Variants in SYN3 observed in about 807,000 individuals in gnomAD.
SYN3 encodes synapsin III.
SYN3 carries 35 observed loss-of-function variants against 65.8 expected under a neutral mutation model. The observed-to-expected ratio is 0.53, with a 90% CI of 0.41 to 0.70. The LOEUF (loss-of-function observed/expected upper bound fraction) is 0.70, where lower values mean the gene tolerates loss of function less well. Ranked by LOEUF, SYN3 falls within the 30% of genes least tolerant of loss-of-function variation. SYN3 has a pLI of 0.00. For synonymous variants in SYN3, 270 were observed against 292.9 expected, an observed-to-expected ratio of 0.92 and a Z score of 0.80; for missense variants, 680 against 749.0, an observed-to-expected ratio of 0.91 and a Z score of 1.08.
At chr22:32,985,863 T>C (rs959498252) in intron 2 of SYN3, among the ~76,000 whole-genome samples, 10 of 152,014 alleles carry the variant, frequency 6.6e-5, no homozygotes, top group Admixed American at 5.9e-4. Context: ...CTTTCTCATG[T>C]TTCAAGATCC....
At chr22:32,738,584 C>T (rs2061362725) in intron 6 of SYN3, among the ~76,000 whole-genome samples, 1 of 152,202 alleles carries the variant, frequency 6.6e-6, no homozygotes, top group African/African-American at 2.4e-5. Context: ...TTAGGAATGA[C>T]ATCCTGGGCT....
intron 6 of SYN3, among the ~76,000 whole-genome samples, chr22:32,609,995 A>G (rs13056169): frequency 5.9e-5 from 9 of 152,100 alleles, no homozygotes; most frequent in South Asian, 2.1e-4. Context: ...AAGAATGTAC[A>G]ATTCAGACCA....
At chr22:32,700,196 T>C (rs938262958) in intron 6 of SYN3, among the ~76,000 whole-genome samples, 4 of 152,212 alleles carry the variant, frequency 2.6e-5, no homozygotes, top group Non-Finnish European at 1.5e-5. Flanking sequence ...ACTCAGGGAT[T>C]GACTATGGAG....
chr22:32,953,142 A>G (rs1462742253), intron 3 of SYN3, among the ~76,000 whole-genome samples: 1 of 152,232 alleles, frequency 6.6e-6, no homozygotes, highest in East Asian at 1.9e-4. Context: ...AAAACTGGAG[A>G]GCAGAGAGTG....
chr22:32,920,922 C>G (rs2050319985), intron 4 of SYN3, among the ~76,000 whole-genome samples: 1 of 152,182 alleles, frequency 6.6e-6, no homozygotes, highest in African/African-American at 2.4e-5. Context: ...AGCTGAGTTC[C>G]TCCCCAGTTA....
intron 6 of SYN3, among the ~76,000 whole-genome samples, chr22:32,709,863 T>A (rs1363401400): frequency 6.6e-6 from 1 of 152,036 alleles, no homozygotes; most frequent in East Asian, 1.9e-4. Flanking sequence ...TTCTTAATGT[T>A]GAAAAAGTAT....
At chr22:32,569,444 TATCTTCTC>T (rs1396212701) in intron 7 of SYN3, among the ~76,000 whole-genome samples, 172 of 148,968 alleles carry the variant, frequency 1.2e-3, no homozygotes, top group African/African-American at 3.9e-3. Flanking sequence ...TCTATCTATC[TATCTTCTC>T]TATCTATCTA....
intron 7 of SYN3, among the ~76,000 whole-genome samples, chr22:32,573,555 G>C (rs745689197): frequency 3.3e-5 from 5 of 152,090 alleles, no homozygotes; most frequent in Non-Finnish European, 7.4e-5. Flanking sequence ...TAAATGAAAA[G>C]TTATTGAATA....
chr22:32,631,713 C>T (rs2059749804), intron 6 of SYN3, among the ~76,000 whole-genome samples: 1 of 152,140 alleles, frequency 6.6e-6, no homozygotes, highest in Non-Finnish European at 1.5e-5. Flanking sequence ...CTCATTTAAT[C>T]CTCCCACCAT....
chr22:32,656,123 T>C (rs2060139286), intron 6 of SYN3, among the ~76,000 whole-genome samples: 1 of 152,256 alleles, frequency 6.6e-6, no homozygotes, highest in Non-Finnish European at 1.5e-5. Flanking sequence ...CAAGGGGTTT[T>C]GAACGGCTCA....
intron 3 of SYN3, among the ~76,000 whole-genome samples, chr22:32,973,788 A>G (rs1210747117): frequency 6.6e-6 from 1 of 152,112 alleles, no homozygotes; most frequent in African/African-American, 2.4e-5. Context: ...GGGACAAAGT[A>G]CCCATCTTTT....
At chr22:32,948,458 C>T (rs112718654) in intron 3 of SYN3, among the ~76,000 whole-genome samples, 29 of 152,218 alleles carry the variant, frequency 1.9e-4, no homozygotes, top group African/African-American at 5.5e-4. Context: ...CTCTTTGGGC[C>T]AGGCGCGGTG....
At chr22:33,022,285 A>C (rs1404030574) in intron 1 of SYN3, among the ~76,000 whole-genome samples, 1 of 152,262 alleles carries the variant, frequency 6.6e-6, no homozygotes, top group African/African-American at 2.4e-5. Flanking sequence ...CCTGGGCTTT[A>C]GCAATGTATT....
chr22:32,623,631 C>T (rs148834586), intron 6 of SYN3, among the ~76,000 whole-genome samples: 76 of 152,342 alleles, frequency 5.0e-4, no homozygotes, highest in African/African-American at 1.7e-3. Flanking sequence ...GGAATCCAGA[C>T]GTGCCACTTC....
intron 6 of SYN3, among the ~76,000 whole-genome samples, chr22:32,738,093 T>TGTG (rs2061357448): frequency 2.0e-5 from 3 of 152,196 alleles, no homozygotes; most frequent in African/African-American, 7.2e-5. Flanking sequence ...TACCACCACT[T>TGTG]GTTTAACGTT....
intron 7 of SYN3, among the ~76,000 whole-genome samples, chr22:32,546,792 G>A (rs2058342018): frequency 6.6e-6 from 1 of 152,078 alleles, no homozygotes; most frequent in Non-Finnish European, 1.5e-5. Context: ...GGCTATGATG[G>A]GGCCACTGTG....
At chr22:32,889,698 C>T (rs2049390123) in intron 4 of SYN3, among the ~76,000 whole-genome samples, 1 of 151,778 alleles carries the variant, frequency 6.6e-6, no homozygotes, top group Non-Finnish European at 1.5e-5. Flanking sequence ...GGGATCTTTG[C>T]ATGCCAAAAT....
intron 6 of SYN3, among the ~76,000 whole-genome samples, chr22:32,729,644 C>T (rs531818200): frequency 6.6e-6 from 1 of 152,364 alleles, no homozygotes; most frequent in Middle Eastern, 3.4e-3. Context: ...CCCATAATGA[C>T]ATCACTCTCA....
At chr22:32,713,703 C>T (rs961074263) in intron 6 of SYN3, among the ~76,000 whole-genome samples, 1 of 151,746 alleles carries the variant, frequency 6.6e-6, no homozygotes, top group Admixed American at 6.6e-5. Flanking sequence ...TGGTGGTGGG[C>T]GCCTGTAGTC....
Sources: gnomAD v4.1 joint callset for allele counts (sites outside exome capture counted in the v4.1 genomes callset) on GRCh38, gnomAD v4.1.1 for gene constraint, MANE v1.5 for transcripts, NCBI Gene and HGNC (gene_info 2026-07-23, HGNC 2026-07-21) for gene names.